The following PPARGC1A variants were observed in gnomAD, a reference collection of about 807,000 sequenced individuals.
PPARGC1A encodes PPARG coactivator 1 alpha, also known as peroxisome proliferator-activated receptor gamma coactivator 1-alpha.
A neutral mutation model predicts 88.7 loss-of-function variants in PPARGC1A; 25 were observed. That is an observed-to-expected ratio of 0.28 (90% CI 0.21 to 0.39). The LOEUF (loss-of-function observed/expected upper bound fraction) is 0.39, where lower values mean the gene tolerates loss of function less well. PPARGC1A is among the 10% of genes least tolerant of loss of function. PPARGC1A has a pLI of 1.00. For missense variants in PPARGC1A, 880 were observed against 968.7 expected (o/e 0.91, Z 1.22); for synonymous variants, 363 against 355.6 (o/e 1.02, Z -0.24).
the PPARGC1A span, among the ~76,000 whole-genome samples, chr4:24,141,027 A>C: frequency 2.0e-5 from 3 of 152,210 alleles, no homozygotes; most frequent in Non-Finnish European, 4.4e-5. Flanking sequence ...AAGTTAGGAA[A>C]CTCTAGGGAG....
At chr4:23,906,962 T>C (rs1720120059), upstream of PPARGC1A, among the ~76,000 whole-genome samples, 1 of 152,328 alleles carries the variant, frequency 6.6e-6, no homozygotes, top group African/African-American at 2.4e-5. Flanking sequence ...GGGAACTTTG[T>C]GGCTCTGATT....
At chr4:23,851,141 C>A (rs1226761657) in intron 2 of PPARGC1A, among the ~76,000 whole-genome samples, 1 of 152,176 alleles carries the variant, frequency 6.6e-6, no homozygotes, top group African/African-American at 2.4e-5. Context: ...ATCCAGCTAG[C>A]AACCTAGAAC....
At chr4:24,404,024 G>T in the PPARGC1A span, among the ~76,000 whole-genome samples, 1 of 152,062 alleles carries the variant, frequency 6.6e-6, no homozygotes, top group African/African-American at 2.4e-5. Context: ...AGCACTTTGG[G>T]AGGCTAAGGT....
the PPARGC1A span, among the ~76,000 whole-genome samples, chr4:24,047,592 G>A: frequency 2.6e-5 from 4 of 152,210 alleles, no homozygotes; most frequent in African/African-American, 9.6e-5. Flanking sequence ...AGTGTGTAAA[G>A]TGAGGCAGGA....
At chr4:24,168,611 T>TCACA in the PPARGC1A span, among the ~76,000 whole-genome samples, 6 of 144,922 alleles carry the variant, frequency 4.1e-5, no homozygotes, top group African/African-American at 1.6e-4. Flanking sequence ...GAGGAAGAGC[T>TCACA]CACACACACA....
intron 5 of PPARGC1A, 80 bp downstream of exon 5, chr4:23,828,320 T>G: frequency 7.2e-7 from 1 of 1,390,578 alleles, no homozygotes; most frequent in Non-Finnish European, 1.0e-6. Context: ...AAGCAAGAAG[T>G]TGGTGTGTTC....
At chr4:24,299,595 C>A in the PPARGC1A span, among the ~76,000 whole-genome samples, 1 of 152,170 alleles carries the variant, frequency 6.6e-6, no homozygotes, top group Non-Finnish European at 1.5e-5. Flanking sequence ...TGAGCTACCT[C>A]AGTCTTTCTT....
At chr4:24,256,953 G>A in the PPARGC1A span, among the ~76,000 whole-genome samples, 1 of 152,284 alleles carries the variant, frequency 6.6e-6, no homozygotes, top group Non-Finnish European at 1.5e-5. Flanking sequence ...TCATGGAAAT[G>A]AGCTCTAGTT....
At chr4:23,981,915 G>A in the PPARGC1A span, among the ~76,000 whole-genome samples, 1 of 152,044 alleles carries the variant, frequency 6.6e-6, no homozygotes, top group Admixed American at 6.5e-5. Flanking sequence ...AAGAGTAACT[G>A]AATCGAAGAA....
chr4:24,182,293 A>G, the PPARGC1A span, among the ~76,000 whole-genome samples: 1 of 152,208 alleles, frequency 6.6e-6, no homozygotes, highest in African/African-American at 2.4e-5. Context: ...GATGGCTTCC[A>G]GCTTCAACCA....
the PPARGC1A span, among the ~76,000 whole-genome samples, chr4:23,922,118 G>C: frequency 6.6e-6 from 1 of 152,208 alleles, no homozygotes; most frequent in Non-Finnish European, 1.5e-5. Context: ...TCTTAAAGGG[G>C]AAATGCTACA....
At chr4:24,231,973 A>T in the PPARGC1A span, among the ~76,000 whole-genome samples, 1 of 152,164 alleles carries the variant, frequency 6.6e-6, no homozygotes, top group Non-Finnish European at 1.5e-5. Context: ...TTAAGAGAAA[A>T]ACTTTTCAAA....
the PPARGC1A span, among the ~76,000 whole-genome samples, chr4:24,145,683 C>G: frequency 1.3e-5 from 2 of 152,184 alleles, no homozygotes; most frequent in African/African-American, 4.8e-5. Context: ...AATAATACCA[C>G]GTTCGACTTA....
chr4:23,844,929 C>A (rs1361512718), intron 2 of PPARGC1A, among the ~76,000 whole-genome samples: 2 of 144,700 alleles, frequency 1.4e-5, no homozygotes, highest in Non-Finnish European at 3.0e-5. Flanking sequence ...GCATTTGGAG[C>A]AGCAAAGCAT....
chr4:24,107,481 G>T, the PPARGC1A span, among the ~76,000 whole-genome samples: 3 of 152,084 alleles, frequency 2.0e-5, no homozygotes, highest in Admixed American at 6.5e-5. Flanking sequence ...TATTATTTTC[G>T]ATCTGACTCA....
the PPARGC1A span, among the ~76,000 whole-genome samples, chr4:24,357,175 C>T: frequency 6.6e-6 from 1 of 152,214 alleles, no homozygotes; most frequent in African/African-American, 2.4e-5. Flanking sequence ...TTTCCTTACT[C>T]TCTCCTCCAG....
At chr4:23,994,325 G>A in the PPARGC1A span, among the ~76,000 whole-genome samples, 1 of 152,128 alleles carries the variant, frequency 6.6e-6, no homozygotes, top group Non-Finnish European at 1.5e-5. Context: ...ATTCAGCAGA[G>A]AGACTTTAAA....
the PPARGC1A span, among the ~76,000 whole-genome samples, chr4:24,185,063 G>C: frequency 2.6e-5 from 4 of 152,238 alleles, no homozygotes; most frequent in Non-Finnish European, 2.9e-5. Context: ...ATGTGTTCGA[G>C]AAAAGTACAG....
chr4:24,129,644 G>GCT, the PPARGC1A span, among the ~76,000 whole-genome samples: 1 of 151,968 alleles, frequency 6.6e-6, no homozygotes, highest in Non-Finnish European at 1.5e-5. Context: ...CTCATTACTG[G>GCT]GTATATACCC....
Sources: gnomAD v4.1 joint callset for allele counts (sites outside exome capture counted in the v4.1 genomes callset) on GRCh38, gnomAD v4.1.1 for gene constraint, MANE v1.5 for transcripts, NCBI Gene and HGNC (gene_info 2026-07-23, HGNC 2026-07-21) for gene names.